NRG1: variants seen among roughly 807,000 people sequenced by gnomAD.
NRG1 encodes the protein pro-neuregulin-1, membrane-bound isoform.
A neutral mutation model predicts 63.8 loss-of-function variants in NRG1; 18 were observed. The observed-to-expected ratio is 0.28, with a 90% CI of 0.19 to 0.42. The LOEUF (loss-of-function observed/expected upper bound fraction) is 0.42, where lower values mean the gene tolerates loss of function less well. Ranked by LOEUF, NRG1 falls within the 10% of genes least tolerant of loss-of-function variation. The probability of loss-of-function intolerance (pLI) is 1.00; values close to 1 mark genes in which losing one functional copy is unlikely to be tolerated. For missense variants in NRG1, 762 were observed against 814.7 expected, an observed-to-expected ratio of 0.94 and a Z score of 0.79; for synonymous variants, 302 against 301.3, an observed-to-expected ratio of 1.00 and a Z score of -0.02.
chr8:32,251,970 T>A (rs1411158003), intron 1 of NRG1, among the ~76,000 whole-genome samples: 1 of 152,198 alleles, frequency 6.6e-6, no homozygotes. Flanking sequence ...GATTTTTTCA[T>A]ATGTTTGTTA....
intron 5 of NRG1, among the ~76,000 whole-genome samples, chr8:32,659,812 A>G (rs1802429391): frequency 6.6e-6 from 1 of 151,940 alleles, no homozygotes; most frequent in African/African-American, 2.4e-5. Context: ...GTTTTTGCTC[A>G]TTCTATTTTT....
chr8:32,477,781 TA>T (rs1824711500), intron 1 of NRG1, among the ~76,000 whole-genome samples: 1 of 152,208 alleles, frequency 6.6e-6, no homozygotes, highest in Admixed American at 6.5e-5. Context: ...TGTCTTCTCA[TA>T]AAAATAGTAA....
At chr8:32,596,599 C>CA (rs5890663) in intron 2 of NRG1, among the ~76,000 whole-genome samples, 120,786 of 139,194 alleles carry the variant, frequency 0.87, 53,772 homozygotes, top group South Asian at 0.98. Flanking sequence ...GACTCCATCT[C>CA]AAAAAAAAAA....
At chr8:31,934,848 A>G (rs1056463934) in intron 1 of NRG1, among the ~76,000 whole-genome samples, 2 of 152,172 alleles carry the variant, frequency 1.3e-5, no homozygotes, top group Non-Finnish European at 2.9e-5. Context: ...GTTCACTGAC[A>G]TACTAAGCAC....
intron 1 of NRG1, among the ~76,000 whole-genome samples, chr8:31,742,898 C>G (rs183925590): frequency 6.6e-6 from 1 of 151,916 alleles, no homozygotes; most frequent in South Asian, 2.1e-4. Flanking sequence ...GGCATAGGCC[C>G]GCTAACTGGT....
At chr8:32,331,675 G>A (rs1445793054) in intron 1 of NRG1, among the ~76,000 whole-genome samples, 4 of 152,090 alleles carry the variant, frequency 2.6e-5, no homozygotes, top group Non-Finnish European at 5.9e-5. Flanking sequence ...AATAAATGTT[G>A]AGTTAACCAA....
intron 5 of NRG1, among the ~76,000 whole-genome samples, chr8:32,712,427 T>C (rs144516192): frequency 2.6e-5 from 4 of 152,278 alleles, no homozygotes; most frequent in Admixed American, 1.3e-4. Context: ...AAGTGAAAAG[T>C]GAAGGGGAAT....
intron 1 of NRG1, among the ~76,000 whole-genome samples, chr8:32,370,835 A>G (rs879390606): frequency 4.8e-5 from 6 of 125,078 alleles, no homozygotes; most frequent in Non-Finnish European, 8.0e-5. Flanking sequence ...TCCAGCCAGG[A>G]TGACAGAGTG....
intron 1 of NRG1, among the ~76,000 whole-genome samples, chr8:31,702,006 C>A (rs562864235): frequency 6.6e-6 from 1 of 152,182 alleles, no homozygotes; most frequent in South Asian, 2.1e-4. Flanking sequence ...ATTAGATGGG[C>A]CCAAAAAGTG....
At chr8:32,081,727 G>C (rs545153414) in intron 1 of NRG1, among the ~76,000 whole-genome samples, 57 of 152,092 alleles carry the variant, frequency 3.7e-4, no homozygotes, top group Admixed American at 3.3e-3. Flanking sequence ...TTATGATCAG[G>C]TGTAACCAGG....
intron 1 of NRG1, among the ~76,000 whole-genome samples, chr8:31,675,991 C>T (rs1192301697): frequency 3.3e-5 from 5 of 151,984 alleles, no homozygotes; most frequent in East Asian, 1.9e-4. Flanking sequence ...ATATTAGACC[C>T]GTGGCTAATC....
At chr8:32,614,435 TA>T (rs2129541509) in intron 3 of NRG1, 78 bp from the exon 4 acceptor site, 1 of 1,408,650 alleles carries the variant, frequency 7.1e-7, no homozygotes, top group South Asian at 1.2e-5. Context: ...ACTTAACTTT[TA>T]GTTCCAAGGC....
At chr8:32,464,516 A>C (rs572977707) in intron 1 of NRG1, among the ~76,000 whole-genome samples, 56 of 152,258 alleles carry the variant, frequency 3.7e-4, no homozygotes, top group African/African-American at 1.2e-3. Flanking sequence ...AGAGATGTTA[A>C]TGCTCCTGTA....
chr8:31,791,036 C>T (rs1487065356), intron 1 of NRG1, among the ~76,000 whole-genome samples: 1 of 151,732 alleles, frequency 6.6e-6, no homozygotes, highest in East Asian at 1.9e-4. Context: ...ATGGTGAAAC[C>T]CTGTCCCTAC....
chr8:32,748,727 G>A (rs1469415196), intron 7 of NRG1: 3 of 455,608 alleles, frequency 6.6e-6, no homozygotes, highest in South Asian at 3.1e-5. Context: ...ATTTAAAGGA[G>A]TAATAAGATG....
chr8:32,388,227 A>C (rs1190202443), intron 1 of NRG1, among the ~76,000 whole-genome samples: 1 of 152,198 alleles, frequency 6.6e-6, no homozygotes, highest in South Asian at 2.1e-4. Flanking sequence ...TGTGAACTTT[A>C]CATAGGTAAG....
At chr8:32,053,303 C>T (rs1047826471) in intron 1 of NRG1, among the ~76,000 whole-genome samples, 4 of 151,840 alleles carry the variant, frequency 2.6e-5, no homozygotes, top group East Asian at 1.9e-4. Flanking sequence ...AATACCAGGC[C>T]GATACACGCT....
At chr8:32,194,155 C>T (rs1000715255) in intron 1 of NRG1, among the ~76,000 whole-genome samples, 1 of 152,164 alleles carries the variant, frequency 6.6e-6, no homozygotes. Context: ...GAATCCAAAG[C>T]CCCTAGCTGT....
chr8:31,890,266 A>G (rs544776553), intron 1 of NRG1, among the ~76,000 whole-genome samples: 9 of 152,348 alleles, frequency 5.9e-5, no homozygotes, highest in Non-Finnish European at 1.2e-4. Flanking sequence ...TTTTCAAGAT[A>G]TCTACCTTGG....
Sources: allele counts gnomAD v4.1 joint callset (sites outside exome capture counted in the v4.1 genomes callset), GRCh38; gene constraint gnomAD v4.1.1; transcripts MANE v1.5; gene names NCBI Gene and HGNC (gene_info 2026-07-23, HGNC 2026-07-21).